ESF1: variants seen among roughly 807,000 people sequenced by gnomAD.
ESF1 encodes the protein ESF1 nucleolar pre-rRNA processing protein.
ESF1 carries 58 observed loss-of-function variants against 92.0 expected under a neutral mutation model. The ratio of observed to expected loss-of-function variants is 0.63; its 90% CI spans 0.51 to 0.78. The LOEUF (loss-of-function observed/expected upper bound fraction) is 0.78, where lower values mean the gene tolerates loss of function less well. Ranked by LOEUF, ESF1 falls within the 30% of genes least tolerant of loss-of-function variation. The pLI, the probability that ESF1 is intolerant of heterozygous loss-of-function variation, is 0.00. For missense variants in ESF1, 922 were observed against 989.1 expected, an observed-to-expected ratio of 0.93 and a Z score of 0.91; for synonymous variants, 321 against 313.7, an observed-to-expected ratio of 1.02 and a Z score of -0.24.
In ESF1 at chr20:13,718,893, A is replaced by G. The variant is rs2049848654; in HGVS notation, c.2115+15T>C. On this transcript the variant is annotated intron_variant, in intron 12 of 13. Transcript: ENST00000617257. ...TGAATTATCCACTAAGCATGTAACA[A>G]TAATCGTATTTTACCTTTTGTCTTT... 1.9e-6 allele frequency: 3 copies of G among 1,582,936 alleles called. No individual in the cohort carries two copies. The highest frequency in any genetic ancestry group is 1.3e-5 in the African/African-American group (1 of 74,158).
At position 13,782,936 on chromosome 20, in the gene ESF1, T is replaced by C; in HGVS notation, c.205A>G (p.Lys69Glu). 6.2e-7 allele frequency: 1 copy of C among 1,614,206 alleles called. No homozygotes were observed. The highest frequency in any genetic ancestry group is 8.5e-7 in the Non-Finnish European group (1 of 1,180,032). ...PISHSTTEDL[K>E]RFYDLSDSDS... ...GAATCTGAAAGGTCGTAAAAACGCT[T>C]CAAATCCTCTGTAGTGCTATGGCTA... The change falls in exon 2 of 14, where the codon AAG (lysine) becomes GAG (glutamate). Residue 69 changes from lysine to glutamate, a missense_variant. Coordinates refer to ENST00000617257, the MANE Select transcript of ESF1 (RefSeq NM_001276380.2).
At chr20:13,751,609 A>C (rs1773984679) in intron 9 of ESF1, among the ~76,000 whole-genome samples, 2 of 152,184 alleles carry the variant, frequency 1.3e-5, no homozygotes, top group Admixed American at 1.3e-4. Context: ...GAAACTTCAT[A>C]AGGCATTGCA....
intron 11 of ESF1, among the ~76,000 whole-genome samples, chr20:13,727,606 T>C (rs572627438): frequency 1.1e-3 from 170 of 152,284 alleles, no homozygotes; most frequent in Non-Finnish European, 1.8e-3. Flanking sequence ...GGTAAATCCT[T>C]ACAGTGATTT....
intron 9 of ESF1, among the ~76,000 whole-genome samples, chr20:13,742,998 T>C (rs1179237472): frequency 3.3e-5 from 5 of 152,238 alleles, no homozygotes; most frequent in Non-Finnish European, 7.3e-5. Context: ...CTTAGCGTAG[T>C]ATTTTCAAGG....
intron 9 of ESF1, among the ~76,000 whole-genome samples, chr20:13,749,090 G>A (rs1978473802): frequency 6.6e-6 from 1 of 151,794 alleles, no homozygotes; most frequent in African/African-American, 2.4e-5. Context: ...TTTTGAGATG[G>A]AGTCTTGCTC....
Position 13,770,017 on chromosome 20 carries a change from T to C in ESF1, c.1408A>G (p.Ile470Val), listed in dbSNP as rs1476156879. 3 of 1,593,338 alleles carry C rather than the reference T, an allele frequency of 1.9e-6. No individual in the cohort carries two copies. Among genetic ancestry groups the C allele is most frequent in the African/African-American group, 1.4e-5 (1 of 74,046 alleles). The change falls in exon 7 of 14, where the codon ATA becomes GTA. Residue 470 changes from isoleucine to valine, a missense_variant. Physicochemically the swap from Ile to Val is conservative, Grantham distance 29. Coordinates refer to ENST00000617257, the MANE Select transcript of ESF1 (RefSeq NM_001276380.2). ...TCATCAAAAGTAATATCATCTGGTATAAACCTAAGAAGTAAAGAAAAAAAA... is the reference window on the plus strand; with the variant it reads ...TCATCAAAAGTAATATCATCTGGTACAAACCTAAGAAGTAAAGAAAAAAAA... Reference protein sequence around the residue: ...SSCSFIDLRFIPDDITFDDEP... With the variant: ...SSCSFIDLRFVPDDITFDDEP...
Position 13,782,544 on chromosome 20 carries a change from G to A in ESF1, c.597C>T (p.Pro199=). 6.4e-7 allele frequency: 1 copy of A among 1,563,314 alleles called. No homozygotes were observed. Among genetic ancestry groups the A allele is most frequent in the Middle Eastern group, 1.7e-4 (1 of 5,754 alleles). The change falls in exon 2 of 14, where the codon CCC becomes CCT. Residue 199 remains proline, a synonymous_variant. Transcript: ENST00000617257. ...DSGTSEIVKS[P]RIECSKTRRE... is the part of the protein sequence containing the mutation. ...TTCTTGTCTTAGAACACTCGATTCTGGGAGATTTCACAATTTCAGAGGTGC... is the reference window on the plus strand; with the variant it reads ...TTCTTGTCTTAGAACACTCGATTCTAGGAGATTTCACAATTTCAGAGGTGC...
At chr20:13,774,958 T>C (rs1231860912) in intron 4 of ESF1, among the ~76,000 whole-genome samples, 199 bp downstream of exon 4, 2 of 152,142 alleles carry the variant, frequency 1.3e-5, no homozygotes, top group African/African-American at 2.4e-5. Flanking sequence ...TAAACAATCA[T>C]ATAACCTATC....
At chr20:13,779,949 T>G (rs749616867) in intron 2 of ESF1, among the ~76,000 whole-genome samples, 3 of 152,248 alleles carry the variant, frequency 2.0e-5, no homozygotes, top group Non-Finnish European at 2.9e-5. Context: ...CATTTCATGA[T>G]GACAAATATC....
At chr20:13,750,637 A>G (rs1407745806) in intron 9 of ESF1, among the ~76,000 whole-genome samples, 1 of 152,242 alleles carries the variant, frequency 6.6e-6, no homozygotes, top group Non-Finnish European at 1.5e-5. Flanking sequence ...TGAGCTTTCA[A>G]AAGCTAAACA....
intron 9 of ESF1, among the ~76,000 whole-genome samples, chr20:13,748,557 T>TACAC (rs1568718325): frequency 1.1e-4 from 6 of 53,690 alleles, no homozygotes; most frequent in African/African-American, 1.6e-4. Flanking sequence ...TGTATATATA[T>TACAC]ATATATATGT....
chr20:13,715,869 C>T (rs558204840), intron 13 of ESF1, among the ~76,000 whole-genome samples: 1 of 152,262 alleles, frequency 6.6e-6, no homozygotes, highest in African/African-American at 2.4e-5. Context: ...TGTAGCTTTA[C>T]TTAGTTATCA....
intron 9 of ESF1, among the ~76,000 whole-genome samples, chr20:13,736,323 T>A (rs6131516): frequency 0.15 from 23,279 of 152,064 alleles, 2,249 homozygotes; most frequent in East Asian, 0.41. Context: ...GGGGCAAAAT[T>A]ACCTCTAGCT....
chr20:13,769,726 C>T (rs1979593382), intron 7 of ESF1, among the ~76,000 whole-genome samples, 181 bp downstream of exon 7: 1 of 152,150 alleles, frequency 6.6e-6, no homozygotes. Flanking sequence ...GCAGAGGTTA[C>T]AGTGAACTGA....
chr20:13,744,425 A>G (rs1287734073), intron 9 of ESF1, among the ~76,000 whole-genome samples: 1 of 152,238 alleles, frequency 6.6e-6, no homozygotes, highest in African/African-American at 2.4e-5. Flanking sequence ...ATTAGTAACC[A>G]GGGAAATGCC....
chr20:13,778,670 AG>A (rs1980050715), intron 2 of ESF1, among the ~76,000 whole-genome samples: 1 of 152,162 alleles, frequency 6.6e-6, no homozygotes, highest in South Asian at 2.1e-4. Flanking sequence ...ATAATAATAA[AG>A]TGTTGCATAA....
rs1179460664 is a variant in ESF1, at chr20:13,716,837, A to G, written c.2262+531T>C. Among the ~76,000 whole-genome samples, 8 of 43,224 alleles carry G rather than the reference A, an allele frequency of 1.9e-4. No individual in the cohort carries two copies. In the East Asian group the frequency reaches 4.3e-3, roughly 23 times the overall value. The allele number at this position is 43,224 out of a possible 152,430, so 28.4% of individuals were successfully genotyped here. A position where few individuals can be genotyped will look rare whatever the true frequency, so the allele number is the denominator to read the frequency against. On this transcript the variant is annotated intron_variant, in intron 13 of 13. Transcript: ENST00000617257. Reference sequence around the variant, plus strand: ...TTTTTTTTTTTTTTTTTTTTTTTTTAGACAGAGTCTTGCTCTGTCACCTGG... The same window carrying G: ...TTTTTTTTTTTTTTTTTTTTTTTTTGGACAGAGTCTTGCTCTGTCACCTGG...
intron 12 of ESF1, among the ~76,000 whole-genome samples, chr20:13,718,685 G>A (rs973842800): frequency 1.4e-4 from 21 of 151,962 alleles, no homozygotes; most frequent in African/African-American, 4.8e-4. Flanking sequence ...CCTTGAATTT[G>A]AGGTTAATTT....
rs1840898580 is a variant in ESF1, at chr20:13,783,333, C to T, written c.-43-150G>A. 9.1e-6 allele frequency: 6 copies of T among 659,032 alleles called. No individual in the cohort carries two copies. In the South Asian group the frequency reaches 1.5e-4, roughly 16 times the overall value. The allele number at this position is 659,032 out of a possible 1,614,324, so 40.8% of individuals were successfully genotyped here. On this transcript the variant is annotated intron_variant, in intron 1 of 13. Coordinates refer to ENST00000617257, the MANE Select transcript of ESF1 (RefSeq NM_001276380.2). The stretch of plus-strand genomic sequence containing the variant: ...AACAAGTCTAATTTCATCTCTCCAA[C>T]GTATTCTGGGTCACATGCAAAAAAG...
Sources: gnomAD v4.1 joint callset for allele counts (sites outside exome capture counted in the v4.1 genomes callset) on GRCh38, gnomAD v4.1.1 for gene constraint, MANE v1.5 for transcripts, NCBI Gene and HGNC (gene_info 2026-07-23, HGNC 2026-07-21) for gene names.